The following LRP1B variants were observed in gnomAD, a reference collection of about 807,000 sequenced individuals.
The protein encoded by LRP1B is low-density lipoprotein receptor-related protein 1B.
In LRP1B, 217 loss-of-function variants were observed where a neutral mutation model predicts 556.6. The observed-to-expected ratio is 0.39, with a 90% CI of 0.35 to 0.44. LRP1B has a LOEUF of 0.44. Ranked by LOEUF, LRP1B falls within the 20% of genes least tolerant of loss-of-function variation. LRP1B has a pLI of 1.00. For missense variants in LRP1B, 5,053 were observed against 5,620.8 expected (o/e 0.90, Z 3.23); for synonymous variants, 2,047 against 1,865.8 (o/e 1.10, Z -2.50).
chr2:141,880,513 T>C (rs991590705), intron 1 of LRP1B, among the ~76,000 whole-genome samples: 3 of 151,994 alleles, frequency 2.0e-5, no homozygotes, highest in African/African-American at 7.2e-5. Context: ...AATAATAATG[T>C]AAAAACATCT....
At chr2:140,417,248 T>C (rs562321283) in intron 66 of LRP1B, among the ~76,000 whole-genome samples, 1 of 152,350 alleles carries the variant, frequency 6.6e-6, no homozygotes, top group South Asian at 2.1e-4. Context: ...ACCACATTAC[T>C]AAAGCTAAGA....
chr2:141,650,124 C>T (rs967594176), intron 2 of LRP1B, among the ~76,000 whole-genome samples: 1 of 152,124 alleles, frequency 6.6e-6, no homozygotes, highest in Admixed American at 6.5e-5. Context: ...AGGTTGCAGT[C>T]AGCCAAGATT....
At chr2:141,788,780 C>T (rs1199191706) in intron 2 of LRP1B, among the ~76,000 whole-genome samples, 12 of 146,726 alleles carry the variant, frequency 8.2e-5, no homozygotes, top group Non-Finnish European at 1.5e-4. Flanking sequence ...TGAGCGAGAA[C>T]ATGCGGTGTT....
At chr2:141,070,031 C>A (rs1445049798) in intron 7 of LRP1B, among the ~76,000 whole-genome samples, 2 of 146,582 alleles carry the variant, frequency 1.4e-5, no homozygotes, top group African/African-American at 5.0e-5. Context: ...TCAATTCCCA[C>A]CTATGAGTGA....
chr2:141,237,164 G>A (rs909612687), intron 5 of LRP1B, among the ~76,000 whole-genome samples: 4 of 152,104 alleles, frequency 2.6e-5, no homozygotes, highest in Non-Finnish European at 5.9e-5. Context: ...TGTGGACAAC[G>A]AGTGACATGA....
chr2:140,843,893 C>G (rs1450246027), intron 29 of LRP1B, among the ~76,000 whole-genome samples: 2 of 152,088 alleles, frequency 1.3e-5, no homozygotes, highest in East Asian at 1.9e-4. Flanking sequence ...TGGCCCCTCT[C>G]CCCAGTTGCA....
At chr2:140,640,494 C>T (rs1684253210) in intron 41 of LRP1B, among the ~76,000 whole-genome samples, 1 of 131,524 alleles carries the variant, frequency 7.6e-6, no homozygotes, top group African/African-American at 2.8e-5. Flanking sequence ...CTCCCGGGTT[C>T]ACGCCATTCT....
At chr2:140,456,625 C>A (rs1438431811) in intron 61 of LRP1B, 22 bp from the exon 62 acceptor site, 1 of 1,598,068 alleles carries the variant, frequency 6.3e-7, no homozygotes, top group Non-Finnish European at 8.5e-7. Flanking sequence ...AAAGAAACAA[C>A]AACAACAAAA....
At chr2:140,347,463 C>CA (rs71408450) in intron 77 of LRP1B, among the ~76,000 whole-genome samples, 4,806 of 135,766 alleles carry the variant, frequency 0.035, 101 homozygotes, top group African/African-American at 0.062. Flanking sequence ...TCACAATTTC[C>CA]AAAAAAAAAA....
At chr2:140,394,818 A>G (rs1684180268) in intron 66 of LRP1B, among the ~76,000 whole-genome samples, 1 of 152,200 alleles carries the variant, frequency 6.6e-6, no homozygotes, top group Admixed American at 6.5e-5. Flanking sequence ...TCATGCCTAT[A>G]GATTTTGAAA....
chr2:141,967,681 C>A (rs1309581259), intron 1 of LRP1B, among the ~76,000 whole-genome samples: 1 of 151,808 alleles, frequency 6.6e-6, no homozygotes, highest in Non-Finnish European at 1.5e-5. Flanking sequence ...TATGTCCTTA[C>A]TTAAAAATGC....
At chr2:140,636,600 G>C (rs1684079014) in intron 41 of LRP1B, among the ~76,000 whole-genome samples, 1 of 151,904 alleles carries the variant, frequency 6.6e-6, no homozygotes, top group East Asian at 1.9e-4. Context: ...TCACTATATT[G>C]TACTTACATA....
chr2:140,882,150 A>C (rs891370479), intron 25 of LRP1B, among the ~76,000 whole-genome samples: 9 of 152,136 alleles, frequency 5.9e-5, no homozygotes, highest in African/African-American at 2.2e-4. Context: ...TTTATTCAGA[A>C]AGTTTCCCTT....
chr2:141,450,460 G>A (rs1681375444), intron 3 of LRP1B, among the ~76,000 whole-genome samples: 1 of 152,036 alleles, frequency 6.6e-6, no homozygotes, highest in Admixed American at 6.6e-5. Context: ...TGTGTATAAA[G>A]TACTTAGGAA....
chr2:140,385,811 A>G (rs1683733690), intron 67 of LRP1B, 82 bp downstream of exon 67: 1 of 885,856 alleles, frequency 1.1e-6, no homozygotes, highest in African/African-American at 1.7e-5. Context: ...TCAAATTTAT[A>G]CCTTAACAGA....
intron 31 of LRP1B, among the ~76,000 whole-genome samples, chr2:140,822,220 G>A (rs890914340): frequency 6.6e-6 from 1 of 152,124 alleles, no homozygotes; most frequent in Non-Finnish European, 1.5e-5. Flanking sequence ...ACTGCTCTAA[G>A]CATTTAATAT....
chr2:140,556,293 A>C (rs979764335), intron 43 of LRP1B, among the ~76,000 whole-genome samples: 2 of 152,006 alleles, frequency 1.3e-5, no homozygotes, highest in Non-Finnish European at 2.9e-5. Context: ...GGACACCCTA[A>C]TCTGCCCTAT....
At position 140,837,422 on chromosome 2, in the gene LRP1B, T is replaced by C. The variant is rs371252561; in HGVS notation, c.5209+2569A>G. Among the ~76,000 whole-genome samples the C allele has an allele frequency of 2.0e-5, 3 of 152,334 alleles. No homozygotes were observed. The East Asian group carries it at 5.8e-4, about 29-fold the overall frequency. ...TTTATTGAATAAATGAATGTTTGAC[T>C]CACAGCCATATTCAATGCTGATTTA... On this transcript the variant is annotated intron_variant, in intron 31 of 90. Transcript: ENST00000389484.
intron 1 of LRP1B, among the ~76,000 whole-genome samples, chr2:142,110,532 T>C (rs1261714789): frequency 6.6e-6 from 1 of 152,100 alleles, no homozygotes; most frequent in African/African-American, 2.4e-5. Context: ...AGTTCTAATG[T>C]AGCAAAAATG....
Sources: allele counts gnomAD v4.1 joint callset (sites outside exome capture counted in the v4.1 genomes callset), GRCh38; gene constraint gnomAD v4.1.1; transcripts MANE v1.5; gene names NCBI Gene and HGNC (gene_info 2026-07-23, HGNC 2026-07-21).